The following FAM193B variants were observed in gnomAD, a reference collection of about 807,000 sequenced individuals.
FAM193B encodes the protein protein FAM193B.
Under a neutral mutation model 70.7 loss-of-function variants are expected in FAM193B, and 27 were observed. The observed-to-expected ratio is 0.38, with a 90% CI of 0.28 to 0.53. The LOEUF (loss-of-function observed/expected upper bound fraction) is 0.53. FAM193B is among the 20% of genes least tolerant of loss of function. The probability of loss-of-function intolerance (pLI) is 0.81; values close to 1 mark genes in which losing one functional copy is unlikely to be tolerated. For missense variants in FAM193B, 1,022 were observed against 1,072.5 expected, an observed-to-expected ratio of 0.95 and a Z score of 0.66; for synonymous variants, 448 against 436.0, an observed-to-expected ratio of 1.03 and a Z score of -0.34.
chr5:177,554,153 G>T (rs757327175), intron 1 of FAM193B, 96 bp downstream of exon 1: 1 of 1,448,046 alleles, frequency 6.9e-7, no homozygotes, highest in Non-Finnish European at 9.1e-7. Flanking sequence ...CCCCAGCCGC[G>T]GCAGGATGGC....
intron 5 of FAM193B, chr5:177,525,437 G>T (rs963384103): frequency 1.0e-5 from 4 of 397,516 alleles, no homozygotes; most frequent in African/African-American, 2.1e-5. Context: ...TTTACAGCTT[G>T]TTCACCCAGA....
intron 1 of FAM193B, chr5:177,553,954 A>G (rs1766671802): frequency 8.0e-7 from 1 of 1,248,070 alleles, no homozygotes; most frequent in African/African-American, 1.6e-5. Context: ...TCGGGATCAC[A>G]GCCCAGTCCC....
At chr5:177,547,315 C>A in intron 1 of FAM193B, 1 of 54,788 alleles carries the variant, frequency 1.8e-5, no homozygotes, top group South Asian at 6.9e-4. Flanking sequence ...GACGGAGTTT[C>A]GCTCTGTCGC....
Position 177,554,231 on chromosome 5 carries a change from C to G in FAM193B, c.210+18G>C. The stretch of plus-strand genomic sequence containing the variant: ...GTGAAAGCGCCCGAGCCGCCGAAGT[C>G]TCCCCGCTCGCTCCTACCTGCGGGC... On this transcript the variant is annotated intron_variant, in intron 1 of 8. Coordinates refer to ENST00000514747, the MANE Select transcript of FAM193B (RefSeq NM_001190946.3). 2 of 1,488,472 alleles carry G rather than the reference C, an allele frequency of 1.3e-6. No individual in the cohort carries two copies. Among genetic ancestry groups the G allele is most frequent in the Non-Finnish European group, 8.9e-7 (1 of 1,123,554 alleles). 92.2% of individuals were successfully genotyped at this position (1,488,472 alleles called of 1,614,324 possible). A position where few individuals can be genotyped will look rare whatever the true frequency, so the allele number is the denominator to read the frequency against.
At chr5:177,535,361 T>C (rs1312730469) in intron 4 of FAM193B, among the ~76,000 whole-genome samples, 1 of 152,270 alleles carries the variant, frequency 6.6e-6, no homozygotes, top group Non-Finnish European at 1.5e-5. Flanking sequence ...CAACCCGGCA[T>C]GTGCCAGACA....
In FAM193B at chr5:177,554,492, C is replaced by CTG. The variant is rs1766801459; in HGVS notation, c.-35_-34insCA. On this transcript the variant is annotated 5_prime_UTR_variant, in exon 1 of 9. Coordinates refer to ENST00000514747, the MANE Select transcript of FAM193B (RefSeq NM_001190946.3). ...TCGCGCCGCTCCCTCGCTCCACACG[C>CTG]CGCCGCCGCCGCCGCCGCCGCCGCC... 1 of 626,948 alleles carries CTG rather than the reference C, an allele frequency of 1.6e-6. No individual in the cohort carries two copies. The highest frequency in any genetic ancestry group is 8.1e-5 in the South Asian group (1 of 12,300). The allele number at this position is 626,948 out of a possible 1,614,324, so 38.8% of individuals were successfully genotyped here.
chr5:177,532,469 A>G lies in FAM193B; in HGVS notation c.1249T>C (p.Tyr417His). 6.2e-7 allele frequency: 1 copy of G among 1,611,936 alleles called. No individual in the cohort carries two copies. Among genetic ancestry groups the G allele is most frequent in the Non-Finnish European group, 8.5e-7 (1 of 1,179,206 alleles). ...GCATTGTGGCCGAAGAACTCACAGT[A>G]GCAGCAGTCACAGAACTTCCCATCT... ...QRDGKFCDCCYCEFFGHNAEK... is the reference protein window; with the variant it reads ...QRDGKFCDCCHCEFFGHNAEK... The change falls in exon 5 of 9, where the codon TAC becomes CAC. Residue 417 changes from tyrosine (Y) to histidine (H), a missense_variant. Coordinates refer to ENST00000514747, the MANE Select transcript of FAM193B (RefSeq NM_001190946.3). The surrounding 1 kb of genome is among the most constrained non-coding windows in gnomAD (Gnocchi z 4.9).
At position 177,554,350 on chromosome 5, in the gene FAM193B, G is replaced by A; in HGVS notation, c.109C>T (p.Leu37=). 2 of 1,231,166 alleles carry A rather than the reference G, an allele frequency of 1.6e-6. No individual in the cohort carries two copies. Among genetic ancestry groups the A allele is most frequent in the South Asian group, 7.2e-5 (2 of 27,794 alleles). The allele number at this position is 1,231,166 out of a possible 1,614,324, so 76.3% of individuals were successfully genotyped here. A position where few individuals can be genotyped will look rare whatever the true frequency, so the allele number is the denominator to read the frequency against. The change falls in exon 1 of 9, where the codon CTG becomes TTG. Residue 37 remains leucine, a synonymous_variant. Coordinates refer to ENST00000514747, the MANE Select transcript of FAM193B (RefSeq NM_001190946.3). ...QAPEPPPPPS[L]EAGAGAGPPE... ...GGGCCTGCACCCGCTCCCGCCTCCA[G>A]GCTTGGCGGCGGCGGGGGCTCGGGC...
chr5:177,531,088 G>A (rs1763371498), intron 5 of FAM193B, among the ~76,000 whole-genome samples: 2 of 152,194 alleles, frequency 1.3e-5, no homozygotes, highest in African/African-American at 2.4e-5. Context: ...GCCATGACAC[G>A]TTTTTTCCTC....
At chr5:177,540,975 C>G (rs1049626041) in intron 1 of FAM193B, among the ~76,000 whole-genome samples, 1 of 152,176 alleles carries the variant, frequency 6.6e-6, no homozygotes, top group Non-Finnish European at 1.5e-5. Context: ...ATTACACTGA[C>G]TTGGGTCCTT....
chr5:177,545,506 A>G (rs916408332), intron 1 of FAM193B, among the ~76,000 whole-genome samples: 2 of 152,172 alleles, frequency 1.3e-5, no homozygotes, highest in African/African-American at 4.8e-5. Context: ...TATAAACAAC[A>G]CAAACAAAAG....
At position 177,538,138 on chromosome 5, in the gene FAM193B, T is replaced by C. The variant is rs1261995754; in HGVS notation, c.454-31A>G. On this transcript the variant is annotated intron_variant, in intron 2 of 8. Coordinates refer to ENST00000514747, the MANE Select transcript of FAM193B (RefSeq NM_001190946.3). The surrounding 1 kb of genome is among the most constrained non-coding windows in gnomAD (Gnocchi z 4.1). ...GAAGGGGGAGGAAAAAGGCTCACGGTCAAACAGCAAACATCGGAGCTGACC... is the reference window on the plus strand; with the variant it reads ...GAAGGGGGAGGAAAAAGGCTCACGGCCAAACAGCAAACATCGGAGCTGACC... 1.3e-6 allele frequency: 2 copies of C among 1,512,740 alleles called. No homozygotes were observed. Among genetic ancestry groups the C allele is most frequent in the East Asian group, 2.5e-5 (1 of 40,330 alleles). 93.7% of individuals were successfully genotyped at this position (1,512,740 alleles called of 1,614,324 possible).
chr5:177,525,136 G>A lies in FAM193B; in HGVS notation c.1345C>T (p.Pro449Ser). The change falls in exon 6 of 9, where the codon CCA becomes TCA. Residue 449 changes from proline (P) to serine (S), a missense_variant. Physicochemically the swap from Pro to Ser is moderately conservative, Grantham distance 74. Coordinates refer to ENST00000514747, the MANE Select transcript of FAM193B (RefSeq NM_001190946.3). The stretch of plus-strand genomic sequence containing the variant: ...AAGAGCCTCTCCCTGGCAGGCCTTG[G>A]CTCCCGGCTTCCAGAAACACGATTT... ...QANRVSGSREPRPARERLLEW... is the reference protein window; with the variant it reads ...QANRVSGSRESRPARERLLEW... The A allele has an allele frequency of 6.5e-7, 1 of 1,540,360 alleles. No homozygotes were observed. Among genetic ancestry groups the A allele is most frequent in the Non-Finnish European group, 8.7e-7 (1 of 1,145,248 alleles).
In FAM193B at chr5:177,536,672, G is replaced by A; in HGVS notation, c.762C>T (p.His254=). The A allele has an allele frequency of 6.4e-7, 1 of 1,558,470 alleles. No individual in the cohort carries two copies. The highest frequency in any genetic ancestry group is 1.2e-5 in the South Asian group (1 of 83,824). The change falls in exon 4 of 9, where the codon CAC becomes CAT. Residue 254 remains histidine (H), a synonymous_variant. Coordinates refer to ENST00000514747, the MANE Select transcript of FAM193B (RefSeq NM_001190946.3). ...LTAPPNSPTG[H]HPQPASLIPS... ...GGATTAGAGATGCTGGCTGCGGGTG[G>A]TGGCCGGTGGGGCTGTTAGGGGGAG...
intron 1 of FAM193B, chr5:177,553,984 G>A (rs1766679768): frequency 1.6e-6 from 2 of 1,267,700 alleles, no homozygotes; most frequent in Non-Finnish European, 1.0e-6. Flanking sequence ...CCCAGTGTGG[G>A]TGTACGGCCG....
chr5:177,550,909 GTAACT>G (rs1210668463), intron 1 of FAM193B, among the ~76,000 whole-genome samples: 1 of 152,140 alleles, frequency 6.6e-6, no homozygotes, highest in Admixed American at 6.5e-5. Flanking sequence ...GAAGTCCTGG[GTAACT>G]TAATTCCTGG....
At chr5:177,549,444 C>G (rs538539788) in intron 1 of FAM193B, among the ~76,000 whole-genome samples, 1 of 152,104 alleles carries the variant, frequency 6.6e-6, no homozygotes. Context: ...CCTCCCGCCT[C>G]GGCCTCCCAA....
chr5:177,548,061 T>C (rs922515230), intron 1 of FAM193B, among the ~76,000 whole-genome samples: 4 of 152,348 alleles, frequency 2.6e-5, no homozygotes, highest in Admixed American at 6.5e-5. Flanking sequence ...ATACATAAAG[T>C]AGTCACACCT....
intron 1 of FAM193B, among the ~76,000 whole-genome samples, chr5:177,542,552 C>T (rs1040387509): frequency 3.9e-5 from 6 of 152,354 alleles, no homozygotes; most frequent in Middle Eastern, 3.4e-3. Flanking sequence ...ATCTTAATCT[C>T]TCCCCTCAAC....
Sources: gnomAD v4.1 joint callset for allele counts (sites outside exome capture counted in the v4.1 genomes callset) on GRCh38, gnomAD v4.1.1 for gene constraint, Gnocchi (gnomAD v3.1) non-coding constraint, MANE v1.5 for transcripts, NCBI Gene and HGNC (gene_info 2026-07-23, HGNC 2026-07-21) for gene names.